The following MCMDC2 variants were observed in gnomAD, a reference collection of about 807,000 sequenced individuals.
MCMDC2 encodes minichromosome maintenance domain containing 2, also known as minichromosome maintenance domain-containing protein 2.
MCMDC2 carries 54 observed loss-of-function variants against 75.8 expected under a neutral mutation model. That is an observed-to-expected ratio of 0.71 (90% CI 0.57 to 0.89). The LOEUF is 0.89. Among genes scored for constraint, MCMDC2 ranks in the 40% least tolerant of loss-of-function variants. The pLI, the probability that MCMDC2 is intolerant of heterozygous loss-of-function variation, is 0.00. For synonymous variants in MCMDC2, 249 were observed against 274.6 expected (o/e 0.91, Z 0.92); for missense variants, 656 against 780.4 (o/e 0.84, Z 1.90).
chr8:66,883,741 T>C lies in MCMDC2; in HGVS notation c.836-16T>C. Reference sequence around the variant, plus strand: ...TTAAAACCCTTTCTAATATATATGTTAATATTTACTTTCAGTTCCTTCAGG... The same window carrying C: ...TTAAAACCCTTTCTAATATATATGTCAATATTTACTTTCAGTTCCTTCAGG... On this transcript the variant is annotated splice_polypyrimidine_tract_variant and intron_variant, in intron 8 of 14. Coordinates refer to ENST00000422365, the MANE Select transcript of MCMDC2 (RefSeq NM_173518.5). The C allele has an allele frequency of 7.2e-7, 1 of 1,397,266 alleles. No homozygotes were observed. The highest frequency in any genetic ancestry group is 1.0e-6 in the Non-Finnish European group (1 of 991,756). 86.6% of individuals were successfully genotyped at this position (1,397,266 alleles called of 1,614,324 possible).
At chr8:66,911,216 A>G (rs1813107827) in intron 14 of MCMDC2, among the ~76,000 whole-genome samples, 1 of 152,186 alleles carries the variant, frequency 6.6e-6, no homozygotes, top group South Asian at 2.1e-4. Flanking sequence ...GGAGAGACCA[A>G]ATGAAGGTAA....
chr8:66,915,159 A>G (rs988275525), intron 14 of MCMDC2, among the ~76,000 whole-genome samples: 1 of 151,670 alleles, frequency 6.6e-6, no homozygotes, highest in South Asian at 2.1e-4. Flanking sequence ...GCAAGACCCT[A>G]ATTAAAAAAA....
At chr8:66,871,985 G>A (rs978475807) in intron 1 of MCMDC2, among the ~76,000 whole-genome samples, 2 of 151,728 alleles carry the variant, frequency 1.3e-5, no homozygotes, top group South Asian at 2.1e-4. Flanking sequence ...CTTCAAAAGC[G>A]TACATAATCT....
At chr8:66,893,199 C>T (rs781539166) in intron 10 of MCMDC2, among the ~76,000 whole-genome samples, 12 of 152,210 alleles carry the variant, frequency 7.9e-5, no homozygotes. Context: ...TAGCATATTG[C>T]TTCACTTTAT....
At chr8:66,916,326 G>A (rs1813318117) in intron 14 of MCMDC2, among the ~76,000 whole-genome samples, 1 of 152,082 alleles carries the variant, frequency 6.6e-6, no homozygotes. Context: ...GAACCAAGTA[G>A]GTTTGTAAGT....
At chr8:66,897,203 T>C (rs1221632445) in intron 12 of MCMDC2, among the ~76,000 whole-genome samples, 1 of 151,996 alleles carries the variant, frequency 6.6e-6, no homozygotes, top group Admixed American at 6.6e-5. Flanking sequence ...GGCCAGGAGT[T>C]CGAGACCAGC....
At chr8:66,907,500 T>C (rs1025410627) in intron 14 of MCMDC2, among the ~76,000 whole-genome samples, 1 of 152,176 alleles carries the variant, frequency 6.6e-6, no homozygotes, top group Non-Finnish European at 1.5e-5. Flanking sequence ...TGGTTCCAAG[T>C]CTTTGCTATT....
intron 13 of MCMDC2, among the ~76,000 whole-genome samples, chr8:66,902,729 T>A (rs1196563969): frequency 9.3e-5 from 13 of 140,080 alleles, no homozygotes; most frequent in African/African-American, 3.2e-4. Flanking sequence ...TATATATATA[T>A]ATATATATAT....
chr8:66,895,107 A>C (rs1055531245), intron 10 of MCMDC2, among the ~76,000 whole-genome samples: 1 of 152,234 alleles, frequency 6.6e-6, no homozygotes, highest in Non-Finnish European at 1.5e-5. Flanking sequence ...CATATAATCT[A>C]TGCACATCCT....
chr8:66,889,075 G>T (rs576857684), intron 9 of MCMDC2, among the ~76,000 whole-genome samples: 2 of 151,956 alleles, frequency 1.3e-5, no homozygotes, highest in South Asian at 2.1e-4. Context: ...TAGAACATGC[G>T]CTAGATATAT....
intron 14 of MCMDC2, 163 bp downstream of exon 14, chr8:66,905,498 CTG>C: frequency 1.8e-6 from 1 of 558,530 alleles, no homozygotes; most frequent in Non-Finnish European, 2.6e-6. Flanking sequence ...CATTTATTAA[CTG>C]TTTCTGGGTA....
chr8:66,878,621 A>G lies in MCMDC2; in HGVS notation c.529A>G (p.Thr177Ala). Residue 177 changes from threonine (T) to alanine (A), a missense_variant, in exon 6 of 15, where the codon ACG (threonine) becomes GCG (alanine). Coordinates refer to ENST00000422365, the MANE Select transcript of MCMDC2 (RefSeq NM_173518.5). ...TGTGCCTGGTGCTACAGAATCTGCA[A>G]CGATAAGAAATGACTTTTTGTGTAA... is the stretch of plus-strand genomic sequence containing the variant. ...VHVPGATESA[T>A]IRNDFLCNLC... is the part of the protein sequence containing the mutation. 6.4e-7 allele frequency: 1 copy of G among 1,570,190 alleles called. No homozygotes were observed. Among genetic ancestry groups the G allele is most frequent in the South Asian group, 1.2e-5 (1 of 80,116 alleles).
intron 3 of MCMDC2, 32 bp downstream of exon 3, chr8:66,874,488 C>G (rs762618886): frequency 6.2e-7 from 1 of 1,612,066 alleles, no homozygotes; most frequent in Non-Finnish European, 8.5e-7. Context: ...TTTTATGCCA[C>G]ATGGAATTTT....
Position 66,874,342 on chromosome 8 carries a change from T to C in MCMDC2, c.111T>C (p.Tyr37=). ...TTTTCATAGATTCAAAACAAAGCTA[T>C]GCTGTCTATCGATTCAAAATTTTAA... is the stretch of plus-strand genomic sequence containing the variant. ...CKYYNDSKQS[Y]AVYRFKILIN... is the part of the protein sequence containing the mutation. Residue 37 remains tyrosine, a synonymous_variant, in exon 3 of 15, where the codon TAT becomes TAC. Coordinates refer to ENST00000422365, the MANE Select transcript of MCMDC2 (RefSeq NM_173518.5). The C allele has an allele frequency of 6.2e-7, 1 of 1,612,262 alleles. No homozygotes were observed. Among genetic ancestry groups the C allele is most frequent in the South Asian group, 1.1e-5 (1 of 90,280 alleles).
chr8:66,872,838 A>C (rs930112206), intron 1 of MCMDC2, among the ~76,000 whole-genome samples: 3 of 151,830 alleles, frequency 2.0e-5, no homozygotes, highest in African/African-American at 7.3e-5. Flanking sequence ...CATGCCTATA[A>C]TCCCAGCTAC....
chr8:66,889,439 T>A (rs1465369026), intron 9 of MCMDC2, among the ~76,000 whole-genome samples: 1 of 152,046 alleles, frequency 6.6e-6, no homozygotes, highest in Non-Finnish European at 1.5e-5. Flanking sequence ...AGGCTGTGTG[T>A]GCTATGACTG....
intron 9 of MCMDC2, among the ~76,000 whole-genome samples, chr8:66,886,280 T>G (rs1811835733): frequency 6.6e-6 from 1 of 152,028 alleles, no homozygotes; most frequent in African/African-American, 2.4e-5. Flanking sequence ...TTCCCCTGTT[T>G]CAGCCTCCCG....
At chr8:66,907,354 G>T (rs1563388158) in intron 14 of MCMDC2, among the ~76,000 whole-genome samples, 1 of 152,230 alleles carries the variant, frequency 6.6e-6, no homozygotes, top group East Asian at 1.9e-4. Context: ...GTGTTAGTTG[G>T]CTGAGAATGA....
chr8:66,917,440 T>A (rs185017974), intron 14 of MCMDC2, among the ~76,000 whole-genome samples: 1 of 152,364 alleles, frequency 6.6e-6, no homozygotes, highest in Non-Finnish European at 1.5e-5. Flanking sequence ...TTAACCATTT[T>A]AAAATGTTCA....
Sources: gnomAD v4.1 joint callset for allele counts (sites outside exome capture counted in the v4.1 genomes callset) on GRCh38, gnomAD v4.1.1 for gene constraint, MANE v1.5 for transcripts, NCBI Gene and HGNC (gene_info 2026-07-23, HGNC 2026-07-21) for gene names.